The following COL4A2 variants were observed in gnomAD, a reference collection of about 807,000 sequenced individuals.
The protein encoded by COL4A2 is collagen alpha-2(IV) chain.
COL4A2 carries 99 observed loss-of-function variants against 200.2 expected under a neutral mutation model. That is an observed-to-expected ratio of 0.49 (90% CI 0.42 to 0.58). COL4A2 has a LOEUF of 0.58. COL4A2 is among the 20% of genes least tolerant of loss of function. COL4A2 has a pLI of 0.00. For missense variants in COL4A2, 1,950 were observed against 2,314.1 expected (o/e 0.84, Z 3.23); for synonymous variants, 897 against 900.6 (o/e 1.00, Z 0.07).
intron 14 of COL4A2, 148 bp from the exon 15 acceptor site, chr13:110,438,470 A>C (rs1485665527): frequency 2.2e-5 from 23 of 1,054,954 alleles, no homozygotes; most frequent in Non-Finnish European, 3.1e-5. Flanking sequence ...CGTGCCCTGC[A>C]CTGCGCCTGA....
At position 110,307,870 on chromosome 13, in the gene COL4A2, A is replaced by C. The variant is rs1884834384; in HGVS notation, c.-34A>C. On this transcript the variant is annotated 5_prime_UTR_variant, in exon 2 of 48. Coordinates refer to ENST00000360467, the MANE Select transcript of COL4A2 (RefSeq NM_001846.4). The surrounding 1 kb of genome is among the most constrained non-coding windows in gnomAD (Gnocchi z 5.0). ...GTCTGTCGCCTCTAGGCTAAGTGGG[A>C]CTGACCGGGGCCCAGAGTGGACGAA... 2.5e-6 allele frequency: 4 copies of C among 1,605,250 alleles called. No homozygotes were observed. The African/African-American group carries it at 5.3e-5, about 21-fold the overall frequency.
At chr13:110,339,931 T>C (rs1876373129) in intron 3 of COL4A2, among the ~76,000 whole-genome samples, 2 of 152,216 alleles carry the variant, frequency 1.3e-5, no homozygotes, top group Admixed American at 1.3e-4. Flanking sequence ...TAACCCAGTA[T>C]AGAACAGTAA....
chr13:110,431,307 C>A (rs1335328712), intron 10 of COL4A2, among the ~76,000 whole-genome samples: 1 of 152,132 alleles, frequency 6.6e-6, no homozygotes, highest in Admixed American at 6.5e-5. Flanking sequence ...CTGAGACAAG[C>A]TATCAAGGGA....
In COL4A2 at chr13:110,512,721, A is replaced by C; in HGVS notation, c.*530A>C. On this transcript the variant is annotated 3_prime_UTR_variant, in exon 48 of 48. Coordinates refer to ENST00000360467, the MANE Select transcript of COL4A2 (RefSeq NM_001846.4). ...AAATACCGTTGATGTGAATTATTTT[A>C]AAGGCAAAACCGTGCTCTTTATTTT... 6.4e-6 allele frequency: 1 copy of C among 157,372 alleles called. No homozygotes were observed. The highest frequency in any genetic ancestry group is 6.3e-5 in the Admixed American group (1 of 15,784). The allele number at this position is 157,372 out of a possible 1,614,324, so 9.7% of individuals were successfully genotyped here.
In COL4A2 at chr13:110,445,858, G is replaced by T; in HGVS notation, c.987G>T (p.Gly329=). ...GCCGAGGCCTGGATGGCTATCAAGG[G>T]CCTGATGGACCCCGGGGACCCAAGG... ...KGSRGLDGYQ[G]PDGPRGPKGE... Residue 329 remains glycine, a synonymous_variant, in exon 17 of 48, where the codon GGG becomes GGT. Transcript: ENST00000360467. 1 of 1,614,154 alleles carries T rather than the reference G, an allele frequency of 6.2e-7. No individual in the cohort carries two copies. Among genetic ancestry groups the T allele is most frequent in the Non-Finnish European group, 8.5e-7 (1 of 1,180,016 alleles).
At chr13:110,457,757 A>T (rs1881830946) in intron 21 of COL4A2, 2 of 504,284 alleles carry the variant, frequency 4.0e-6, no homozygotes, top group African/African-American at 3.9e-5. Context: ...CTTAGGCTGC[A>T]CTCAGGTAGT....
At chr13:110,392,920 G>A (rs186002892) in intron 4 of COL4A2, among the ~76,000 whole-genome samples, 3 of 152,376 alleles carry the variant, frequency 2.0e-5, no homozygotes, top group Admixed American at 2.0e-4. Flanking sequence ...CCATGGGGCA[G>A]GTGGTTGATT....
At chr13:110,363,009 T>C (rs1439656873) in intron 4 of COL4A2, among the ~76,000 whole-genome samples, 1 of 152,254 alleles carries the variant, frequency 6.6e-6, no homozygotes, top group Non-Finnish European at 1.5e-5. Flanking sequence ...ACAGGGCACC[T>C]CCTATGTCCT....
Position 110,468,937 on chromosome 13 carries a change from T to A in COL4A2, c.2096-280T>A, listed in dbSNP as rs141131758. The stretch of plus-strand genomic sequence containing the variant: ...ACAGATAGAATGGTAGGGCCAAAAT[T>A]TATAGCCAAGCATCTGACCCCACCT... On this transcript the variant is annotated intron_variant, in intron 27 of 47. Coordinates refer to ENST00000360467, the MANE Select transcript of COL4A2 (RefSeq NM_001846.4). Among the ~76,000 whole-genome samples the A allele has an allele frequency of 2.4e-3, 359 of 152,182 alleles. 2 individuals carry two copies. The highest frequency in any genetic ancestry group is 8.3e-3 in the African/African-American group (344 of 41,514).
intron 6 of COL4A2, among the ~76,000 whole-genome samples, chr13:110,425,871 C>T (rs1043785455): frequency 6.6e-6 from 1 of 152,132 alleles, no homozygotes; most frequent in Admixed American, 6.5e-5. Flanking sequence ...TCATGCGTTT[C>T]CATGAGATCT....
At chr13:110,368,850 G>GA (rs1316485945) in intron 4 of COL4A2, among the ~76,000 whole-genome samples, 1 of 814 alleles carries the variant, frequency 1.2e-3, no homozygotes, top group Non-Finnish European at 2.4e-3. Context: ...CAAAGAAAAG[G>GA]GGGGGGGGGG....
intron 4 of COL4A2, among the ~76,000 whole-genome samples, chr13:110,365,326 A>C (rs1177786207): frequency 2.6e-5 from 4 of 152,092 alleles, no homozygotes; most frequent in Non-Finnish European, 4.4e-5. Flanking sequence ...TTTTTAGTAG[A>C]GATGGGGTTT....
chr13:110,467,018 C>T, intron 26 of COL4A2, 22 bp from the exon 27 acceptor site: 1 of 1,613,976 alleles, frequency 6.2e-7, no homozygotes, highest in South Asian at 1.1e-5. Flanking sequence ...TTGGGCTCAT[C>T]TTTTCTCCTT....
chr13:110,388,980 G>A (rs76865223), intron 4 of COL4A2, among the ~76,000 whole-genome samples: 120 of 152,254 alleles, frequency 7.9e-4, no homozygotes, highest in Non-Finnish European at 1.0e-3. Flanking sequence ...GTGGCCCTGC[G>A]ATCTCCATCC....
intron 4 of COL4A2, among the ~76,000 whole-genome samples, chr13:110,368,672 C>T (rs1877859371): frequency 6.6e-6 from 1 of 152,100 alleles, no homozygotes; most frequent in African/African-American, 2.4e-5. Context: ...TGCTCATCTT[C>T]AAGGATTGCG....
intron 4 of COL4A2, among the ~76,000 whole-genome samples, chr13:110,413,495 C>T (rs539895965): frequency 3.9e-4 from 59 of 152,350 alleles, no homozygotes; most frequent in Admixed American, 5.2e-4. Flanking sequence ...GCTTGAGTCA[C>T]ATCCTCTAGT....
chr13:110,445,769 A>C, intron 16 of COL4A2, 60 bp from the exon 17 acceptor site: 1 of 1,580,260 alleles, frequency 6.3e-7, no homozygotes, highest in Non-Finnish European at 8.7e-7. Flanking sequence ...ATGCCATTGC[A>C]GTCCCTTTTT....
At chr13:110,448,757 C>T (rs1881422155) in intron 18 of COL4A2, among the ~76,000 whole-genome samples, 2 of 152,160 alleles carry the variant, frequency 1.3e-5, no homozygotes, top group Admixed American at 1.3e-4. Context: ...CACTGTGTGC[C>T]AGGCGATGCT....
intron 4 of COL4A2, among the ~76,000 whole-genome samples, chr13:110,359,686 C>T (rs1877434430): frequency 6.6e-6 from 1 of 152,188 alleles, no homozygotes; most frequent in African/African-American, 2.4e-5. Context: ...GGCTGAGGTG[C>T]GATGCCGCTG....
Sources: allele counts gnomAD v4.1 joint callset (sites outside exome capture counted in the v4.1 genomes callset), GRCh38; gene constraint gnomAD v4.1.1; non-coding constraint Gnocchi (gnomAD v3.1); transcripts MANE v1.5; gene names NCBI Gene and HGNC (gene_info 2026-07-23, HGNC 2026-07-21).